Variants in ARHGAP15 observed in about 807,000 individuals in gnomAD.
The protein encoded by ARHGAP15 is Rho GTPase activating protein 15, also known as rho GTPase-activating protein 15.
Under a neutral mutation model 63.7 loss-of-function variants are expected in ARHGAP15, and 51 were observed. That is an observed-to-expected ratio of 0.80 (90% CI 0.64 to 1.01). The LOEUF is 1.01. Among genes scored for constraint, ARHGAP15 ranks in the 50% least tolerant of loss-of-function variants. The probability of loss-of-function intolerance (pLI) is 0.00; values close to 1 mark genes in which losing one functional copy is unlikely to be tolerated. For synonymous variants in ARHGAP15, 191 were observed against 193.8 expected, an observed-to-expected ratio of 0.99 and a Z score of 0.12; for missense variants, 560 against 564.6, an observed-to-expected ratio of 0.99 and a Z score of 0.08.
chr2:143,466,504 G>T (rs1030144883), intron 8 of ARHGAP15, among the ~76,000 whole-genome samples: 4 of 151,960 alleles, frequency 2.6e-5, no homozygotes, highest in Non-Finnish European at 5.9e-5. Flanking sequence ...GTGGAAAAGA[G>T]TATTTTACAT....
At chr2:143,382,075 TCCTTCCTTTCCTTCCTTCCTC>T (rs1687078527) in intron 6 of ARHGAP15, among the ~76,000 whole-genome samples, 1 of 136,490 alleles carries the variant, frequency 7.3e-6, no homozygotes, top group Non-Finnish European at 1.6e-5. Context: ...CTTCCTTCCT[TCCTTCCTTTCCTTCCTTCCTC>T]CCTCCCTTTC....
chr2:143,341,225 T>C (rs1260855388), intron 6 of ARHGAP15, among the ~76,000 whole-genome samples: 3 of 152,102 alleles, frequency 2.0e-5, no homozygotes, highest in Non-Finnish European at 2.9e-5. Context: ...CCACATCCCC[T>C]TTTTCTTTCG....
rs569984768 is a variant in ARHGAP15 at position 143,604,606 on chromosome 2, A to G, written c.1004-19527A>G. On this transcript the variant is annotated intron_variant, in intron 11 of 13. Transcript: ENST00000295095. ...TAGTGACTGAGAGGTTCCCTAATCAATTCTTCAAGATGCAGCTTCAGTACC... is the reference window on the plus strand; with the variant it reads ...TAGTGACTGAGAGGTTCCCTAATCAGTTCTTCAAGATGCAGCTTCAGTACC... Among the ~76,000 whole-genome samples the G allele has an allele frequency of 2.6e-5, 4 of 152,330 alleles. No individual in the cohort carries two copies. In the East Asian group the frequency reaches 7.7e-4, roughly 29 times the overall value.
chr2:143,201,959 A>G (rs549578076), intron 2 of ARHGAP15, among the ~76,000 whole-genome samples, 175 bp from the exon 3 acceptor site: 16 of 152,266 alleles, frequency 1.1e-4, no homozygotes, highest in African/African-American at 3.4e-4. Context: ...GCAGCCAGCC[A>G]TCTTTGAGTA....
chr2:143,488,983 T>C (rs1692451455), intron 9 of ARHGAP15, among the ~76,000 whole-genome samples: 1 of 152,236 alleles, frequency 6.6e-6, no homozygotes, highest in African/African-American at 2.4e-5. Context: ...GTAGTATTAC[T>C]AGTACCTTCA....
chr2:143,752,246 T>C (rs775010204), intron 13 of ARHGAP15, among the ~76,000 whole-genome samples: 6 of 152,174 alleles, frequency 3.9e-5, no homozygotes, highest in Non-Finnish European at 5.9e-5. Flanking sequence ...GACTCTCCTA[T>C]AGTCAACCCT....
chr2:143,257,054 T>G (rs1680464297), intron 6 of ARHGAP15, among the ~76,000 whole-genome samples: 2 of 152,162 alleles, frequency 1.3e-5, no homozygotes, highest in African/African-American at 4.8e-5. Flanking sequence ...AAAAAATATA[T>G]TCTAGACATC....
chr2:143,742,070 C>CT (rs1346841086), intron 13 of ARHGAP15, among the ~76,000 whole-genome samples: 1 of 152,166 alleles, frequency 6.6e-6, no homozygotes, highest in Non-Finnish European at 1.5e-5. Flanking sequence ...GGTCTATATT[C>CT]TTTTTTATTA....
At chr2:143,681,219 T>C (rs979696428) in intron 12 of ARHGAP15, among the ~76,000 whole-genome samples, 1 of 152,218 alleles carries the variant, frequency 6.6e-6, no homozygotes, top group Non-Finnish European at 1.5e-5. Flanking sequence ...GCTGAGTGTC[T>C]ACCTGGTCCC....
At chr2:143,311,241 A>C (rs572241287) in intron 6 of ARHGAP15, among the ~76,000 whole-genome samples, 1 of 152,082 alleles carries the variant, frequency 6.6e-6, no homozygotes, top group South Asian at 2.1e-4. Context: ...TATCAATTCA[A>C]AGACGTCCAG....
chr2:143,562,451 G>C (rs1696069761), intron 11 of ARHGAP15, among the ~76,000 whole-genome samples: 1 of 152,112 alleles, frequency 6.6e-6, no homozygotes, highest in African/African-American at 2.4e-5. Context: ...TTTAAAACGA[G>C]GTATTTCCTT....
At chr2:143,436,290 T>G (rs1689609862) in intron 7 of ARHGAP15, among the ~76,000 whole-genome samples, 1 of 152,142 alleles carries the variant, frequency 6.6e-6, no homozygotes, top group African/African-American at 2.4e-5. Flanking sequence ...ACACTAATAT[T>G]TGCAAAATTT....
chr2:143,564,772 A>G (rs1696156578), intron 11 of ARHGAP15, among the ~76,000 whole-genome samples: 1 of 152,348 alleles, frequency 6.6e-6, no homozygotes, highest in Middle Eastern at 3.4e-3. Flanking sequence ...AAAAACTACC[A>G]TGGATATATT....
intron 13 of ARHGAP15, among the ~76,000 whole-genome samples, chr2:143,734,330 G>A (rs1304182577): frequency 6.6e-6 from 1 of 152,266 alleles, no homozygotes; most frequent in East Asian, 1.9e-4. Context: ...ACCAATTCCT[G>A]TGTCCTGTTG....
At chr2:143,467,330 G>T (rs1446208049) in intron 8 of ARHGAP15, among the ~76,000 whole-genome samples, 3 of 114,866 alleles carry the variant, frequency 2.6e-5, no homozygotes, top group African/African-American at 9.9e-5. Context: ...CATTTACCTT[G>T]TCTGAAAAAA....
chr2:143,179,377 T>C (rs932936956), intron 2 of ARHGAP15, among the ~76,000 whole-genome samples: 1 of 152,212 alleles, frequency 6.6e-6, no homozygotes, highest in African/African-American at 2.4e-5. Context: ...TCCAACTTCC[T>C]CTTATGTCTT....
chr2:143,233,939 C>T (rs1693544255), intron 5 of ARHGAP15, among the ~76,000 whole-genome samples: 1 of 152,150 alleles, frequency 6.6e-6, no homozygotes, highest in Non-Finnish European at 1.5e-5. Flanking sequence ...GCCACCGCAC[C>T]AGGCCCAATG....
At chr2:143,651,923 T>C (rs1242814606) in intron 12 of ARHGAP15, among the ~76,000 whole-genome samples, 1 of 152,066 alleles carries the variant, frequency 6.6e-6, no homozygotes, top group African/African-American at 2.4e-5. Flanking sequence ...TTTCTGATTA[T>C]AGAGTTTTGA....
intron 6 of ARHGAP15, among the ~76,000 whole-genome samples, chr2:143,388,605 G>T (rs929336174): frequency 6.6e-6 from 1 of 152,098 alleles, no homozygotes; most frequent in Admixed American, 6.5e-5. Context: ...CATCGTGTAT[G>T]TATAAACTAT....
Sources: allele counts gnomAD v4.1 joint callset (sites outside exome capture counted in the v4.1 genomes callset), GRCh38; gene constraint gnomAD v4.1.1; transcripts MANE v1.5; gene names NCBI Gene and HGNC (gene_info 2026-07-23, HGNC 2026-07-21).